CBFA2T2: variants seen among roughly 807,000 people sequenced by gnomAD.
The protein encoded by CBFA2T2 is protein CBFA2T2.
CBFA2T2 carries 11 observed loss-of-function variants against 62.2 expected under a neutral mutation model. The ratio of observed to expected loss-of-function variants is 0.18; its 90% confidence interval spans 0.11 to 0.29. The LOEUF (loss-of-function observed/expected upper bound fraction) is 0.29, where lower values mean the gene tolerates loss of function less well. CBFA2T2 is among the 10% of genes least tolerant of loss of function. CBFA2T2 has a pLI of 1.00. For synonymous variants in CBFA2T2, 295 were observed against 287.5 expected, an observed-to-expected ratio of 1.03 and a Z score of -0.27; for missense variants, 592 against 774.1, an observed-to-expected ratio of 0.76 and a Z score of 2.79.
intron 1 of CBFA2T2, among the ~76,000 whole-genome samples, chr20:33,517,680 A>G (rs1376489740): frequency 9.5e-6 from 1 of 104,980 alleles, no homozygotes; most frequent in Non-Finnish European, 1.9e-5. Context: ...CTAGGCTGCT[A>G]TATTTTGCCT....
At chr20:33,532,193 G>C (rs1239376118) in intron 1 of CBFA2T2, among the ~76,000 whole-genome samples, 1 of 152,186 alleles carries the variant, frequency 6.6e-6, no homozygotes, top group Non-Finnish European at 1.5e-5. Flanking sequence ...GGTGTGCACA[G>C]AACACTGCGT....
intron 1 of CBFA2T2, among the ~76,000 whole-genome samples, chr20:33,533,902 G>C (rs542393435): frequency 6.6e-6 from 1 of 152,176 alleles, no homozygotes; most frequent in South Asian, 2.1e-4. Flanking sequence ...TTGAACCCTG[G>C]AAGTGGAGGT....
At chr20:33,595,312 T>C (rs1294530344) in intron 1 of CBFA2T2, among the ~76,000 whole-genome samples, 4 of 151,050 alleles carry the variant, frequency 2.6e-5, no homozygotes, top group Middle Eastern at 7.1e-3. Context: ...CCTGGGTTCA[T>C]GTGATTCTCC....
At chr20:33,596,919 G>GC (rs1274024764) in intron 1 of CBFA2T2, among the ~76,000 whole-genome samples, 3 of 125,372 alleles carry the variant, frequency 2.4e-5, no homozygotes, top group Non-Finnish European at 5.1e-5. Context: ...CTTGACCTCT[G>GC]TTTTTTTTTT....
chr20:33,536,448 C>T (rs567201871), intron 1 of CBFA2T2, among the ~76,000 whole-genome samples: 1,505 of 148,776 alleles, frequency 0.01, 14 homozygotes, highest in Non-Finnish European at 0.017. Flanking sequence ...ACCTCCCTCC[C>T]GGACGGGGCG....
intron 1 of CBFA2T2, among the ~76,000 whole-genome samples, chr20:33,575,437 GA>G (rs773583469): frequency 1.1e-4 from 16 of 152,314 alleles, no homozygotes; most frequent in Non-Finnish European, 1.9e-4. Context: ...CCAGGCTGAG[GA>G]AATCATTATC....
intron 2 of CBFA2T2, among the ~76,000 whole-genome samples, chr20:33,609,373 G>T (rs751464378): frequency 1.3e-5 from 2 of 151,962 alleles, no homozygotes; most frequent in Admixed American, 6.6e-5. Context: ...GTGGTGGTGC[G>T]TGCCTGTAAT....
intron 1 of CBFA2T2, among the ~76,000 whole-genome samples, chr20:33,559,784 C>T (rs941728403): frequency 3.3e-5 from 5 of 152,170 alleles, no homozygotes; most frequent in African/African-American, 9.7e-5. Flanking sequence ...TTGCGCCTGG[C>T]CAATTGTGGT....
intron 1 of CBFA2T2, among the ~76,000 whole-genome samples, chr20:33,595,144 C>T (rs559910160): frequency 5.3e-4 from 80 of 152,364 alleles, no homozygotes; most frequent in African/African-American, 1.4e-3. Context: ...AAGAGACCCT[C>T]AGCACGTAGT....
chr20:33,516,430 A>G (rs1168376550), intron 1 of CBFA2T2, among the ~76,000 whole-genome samples: 1 of 152,244 alleles, frequency 6.6e-6, no homozygotes, highest in Non-Finnish European at 1.5e-5. Context: ...AGAGCGTGCC[A>G]CTGCACTCCA....
At chr20:33,492,219 A>T (rs181574727) in intron 1 of CBFA2T2, among the ~76,000 whole-genome samples, 146 of 152,004 alleles carry the variant, frequency 9.6e-4, no homozygotes, top group Non-Finnish European at 1.7e-3. Flanking sequence ...GGGTTTCACC[A>T]TATTGGTCAG....
rs2146860899 is a variant in CBFA2T2, at chr20:33,520,456, C to T, written c.34+30155C>T. Among the ~76,000 whole-genome samples the T allele has an allele frequency of 1.3e-5, 2 of 152,216 alleles. 1 individual carries two copies. Among genetic ancestry groups the T allele is most frequent in the Admixed American group, 1.3e-4 (2 of 15,282 alleles). On this transcript the variant is annotated intron_variant, in intron 1 of 10. Transcript: ENST00000342704. Reference sequence around the variant, plus strand: ...CATCTCTAACTTCTAACATATACTACTTTTTTGATAAGCTATTGAACTGTC... The same window carrying T: ...CATCTCTAACTTCTAACATATACTATTTTTTTGATAAGCTATTGAACTGTC...
At chr20:33,524,979 TG>T (rs2011844712) in intron 1 of CBFA2T2, among the ~76,000 whole-genome samples, 1 of 151,698 alleles carries the variant, frequency 6.6e-6, no homozygotes, top group South Asian at 2.1e-4. Flanking sequence ...GGCTTACAGG[TG>T]TGTGGCACCA....
intron 1 of CBFA2T2, among the ~76,000 whole-genome samples, chr20:33,577,030 G>T (rs909267283): frequency 1.3e-5 from 2 of 152,224 alleles, no homozygotes; most frequent in African/African-American, 4.8e-5. Flanking sequence ...AATTGAGAGG[G>T]TGCTGATTGT....
chr20:33,502,984 C>T (rs1490033786), intron 1 of CBFA2T2, among the ~76,000 whole-genome samples: 48 of 144,952 alleles, frequency 3.3e-4, no homozygotes, highest in Non-Finnish European at 6.6e-4. Flanking sequence ...CCAGCTACTC[C>T]GGAGGCTGAG....
Position 33,490,234 on chromosome 20 carries a change from A to C in CBFA2T2, c.-34A>C, listed in dbSNP as rs1164150626. 7 of 1,217,776 alleles carry C rather than the reference A, an allele frequency of 5.7e-6. No homozygotes were observed. Among genetic ancestry groups the C allele is most frequent in the African/African-American group, 1.7e-5 (1 of 59,310 alleles). The allele number at this position is 1,217,776 out of a possible 1,614,324, so 75.4% of individuals were successfully genotyped here. ...CCTGCGAGGGACCCGTGTCGCGGGT[A>C]GAGGCGGGCGGCGCGCGGCGGCGGC... On this transcript the variant is annotated 5_prime_UTR_variant, in exon 1 of 11. Coordinates refer to ENST00000342704, the MANE Select transcript of CBFA2T2 (RefSeq NM_001032999.3).
chr20:33,550,698 C>A (rs2012716166), intron 1 of CBFA2T2, among the ~76,000 whole-genome samples: 1 of 152,008 alleles, frequency 6.6e-6, no homozygotes, highest in African/African-American at 2.4e-5. Context: ...TGTTAGCTCG[C>A]TGCAACCTCC....
intron 1 of CBFA2T2, among the ~76,000 whole-genome samples, chr20:33,596,348 T>C (rs1286089493): frequency 6.6e-6 from 1 of 152,252 alleles, no homozygotes; most frequent in East Asian, 1.9e-4. Flanking sequence ...TTCTTAATGA[T>C]ACTTTGATGA....
At chr20:33,574,412 G>A in intron 1 of CBFA2T2, 1 of 556,946 alleles carries the variant, frequency 1.8e-6, no homozygotes, top group Non-Finnish European at 3.2e-6. Flanking sequence ...GATCACCTGA[G>A]GTTGGGAGTT....
Sources: allele counts gnomAD v4.1 joint callset (sites outside exome capture counted in the v4.1 genomes callset), GRCh38; gene constraint gnomAD v4.1.1; transcripts MANE v1.5; gene names NCBI Gene and HGNC (gene_info 2026-07-23, HGNC 2026-07-21).